The following GALNT17 variants were observed in gnomAD, a reference collection of about 807,000 sequenced individuals.
GALNT17 encodes the protein UDP-GalNAc:polypeptide N-acetylgalactosaminyltransferase-like 3.
GALNT17 carries 29 observed loss-of-function variants against 63.7 expected under a neutral mutation model. The ratio of observed to expected loss-of-function variants is 0.46; its 90% confidence interval spans 0.34 to 0.62. The LOEUF (loss-of-function observed/expected upper bound fraction) is 0.62. GALNT17 is among the 20% of genes least tolerant of loss of function. GALNT17 has a pLI of 0.01. For synonymous variants in GALNT17, 305 were observed against 318.3 expected (o/e 0.96, Z 0.45); for missense variants, 603 against 799.6 (o/e 0.75, Z 2.97).
At chr7:71,263,933 A>G (rs1790441009) in intron 1 of GALNT17, among the ~76,000 whole-genome samples, 1 of 152,148 alleles carries the variant, frequency 6.6e-6, no homozygotes, top group East Asian at 1.9e-4. Context: ...CAAAAAAACA[A>G]AAAAACAACT....
At chr7:71,228,218 A>C (rs1001622267) in intron 1 of GALNT17, among the ~76,000 whole-genome samples, 4 of 152,134 alleles carry the variant, frequency 2.6e-5, no homozygotes, top group Non-Finnish European at 5.9e-5. Context: ...GCCAAGCAGG[A>C]GTACAGGATG....
intron 5 of GALNT17, among the ~76,000 whole-genome samples, chr7:71,459,681 G>T (rs1007496543): frequency 3.3e-5 from 5 of 152,058 alleles, no homozygotes; most frequent in African/African-American, 1.2e-4. Flanking sequence ...GTCCTGCAAA[G>T]CCATTCATTG....
At chr7:71,177,426 G>C (rs1220246848) in intron 1 of GALNT17, among the ~76,000 whole-genome samples, 1 of 152,146 alleles carries the variant, frequency 6.6e-6, no homozygotes, top group Non-Finnish European at 1.5e-5. Flanking sequence ...CTGATACTCA[G>C]TTTATTTGAA....
At chr7:71,283,662 G>C (rs995377609) in intron 1 of GALNT17, among the ~76,000 whole-genome samples, 1 of 152,096 alleles carries the variant, frequency 6.6e-6, no homozygotes, top group African/African-American at 2.4e-5. Context: ...GACCTGGTGG[G>C]AGGTAATTGA....
At chr7:71,452,768 G>C (rs1453552408) in intron 5 of GALNT17, among the ~76,000 whole-genome samples, 1 of 152,116 alleles carries the variant, frequency 6.6e-6, no homozygotes, top group East Asian at 1.9e-4. Flanking sequence ...GATAAAAAGG[G>C]GCCTCTCTGG....
intron 1 of GALNT17, among the ~76,000 whole-genome samples, chr7:71,152,823 G>T (rs1788158858): frequency 6.6e-6 from 1 of 151,752 alleles, no homozygotes. Flanking sequence ...AGTAGAGACG[G>T]GGTCTCACCA....
At chr7:71,595,792 C>A (rs1789876962) in intron 6 of GALNT17, among the ~76,000 whole-genome samples, 1 of 152,098 alleles carries the variant, frequency 6.6e-6, no homozygotes, top group Non-Finnish European at 1.5e-5. Context: ...GATATTCTCC[C>A]AGTTCCAATG....
chr7:71,494,608 C>G (rs936829000), intron 5 of GALNT17, among the ~76,000 whole-genome samples: 5 of 152,176 alleles, frequency 3.3e-5, no homozygotes, highest in African/African-American at 9.6e-5. Flanking sequence ...ACTCTCCTGC[C>G]TTGGCCTCCC....
intron 5 of GALNT17, among the ~76,000 whole-genome samples, chr7:71,541,328 G>A (rs1298317847): frequency 1.3e-5 from 2 of 151,710 alleles, no homozygotes; most frequent in African/African-American, 4.8e-5. Context: ...CGAAGCAGGT[G>A]GATCACCTGA....
At chr7:71,577,574 G>C (rs951323509) in intron 6 of GALNT17, among the ~76,000 whole-genome samples, 1 of 152,086 alleles carries the variant, frequency 6.6e-6, no homozygotes, top group East Asian at 1.9e-4. Context: ...GCCCCTGCAG[G>C]GGTCTTCTTG....
chr7:71,423,144 T>G (rs1786697494), intron 5 of GALNT17, among the ~76,000 whole-genome samples: 1 of 152,158 alleles, frequency 6.6e-6, no homozygotes, highest in African/African-American at 2.4e-5. Flanking sequence ...CAGGGTATGG[T>G]GGGCCAAAGG....
intron 5 of GALNT17, among the ~76,000 whole-genome samples, chr7:71,552,299 C>A (rs1562687893): frequency 6.6e-6 from 1 of 152,066 alleles, no homozygotes; most frequent in Non-Finnish European, 1.5e-5. Flanking sequence ...CCCACCTTGG[C>A]CTCCCACAGT....
rs1179906682 is a variant in GALNT17, at chr7:71,265,114, ATATATTTTTTTT to A, written c.239-70434_239-70423del. 8.7e-4 allele frequency among the ~76,000 whole-genome samples: 35 copies of A among 40,116 alleles called. 1 individual carries two copies. The highest frequency in any genetic ancestry group is 5.5e-3 in the East Asian group (9 of 1,650). The allele number at this position is 40,116 out of a possible 152,430, so 26.3% of individuals were successfully genotyped here. On this transcript the variant is annotated intron_variant, in intron 1 of 10. Transcript: ENST00000333538. ...CCATAAATATTATATATATATATAT[ATATATTTTTTTT>A]TTTTTTTTTTTTTTTTTTGAGATGG...
intron 1 of GALNT17, among the ~76,000 whole-genome samples, chr7:71,241,490 G>T (rs559734014): frequency 6.6e-6 from 1 of 152,326 alleles, no homozygotes; most frequent in South Asian, 2.1e-4. Flanking sequence ...CCAAAGAACA[G>T]GGATGTGAAC....
chr7:71,412,484 G>T (rs879126304), intron 3 of GALNT17, among the ~76,000 whole-genome samples: 9 of 151,658 alleles, frequency 5.9e-5, no homozygotes, highest in Admixed American at 2.0e-4. Context: ...CGATTCTCCT[G>T]CCTCAGCCCC....
intron 5 of GALNT17, among the ~76,000 whole-genome samples, chr7:71,423,137 G>C (rs1046676909): frequency 1.3e-5 from 2 of 152,132 alleles, no homozygotes; most frequent in African/African-American, 4.8e-5. Context: ...TGGGGGACAG[G>C]GTATGGTGGG....
chr7:71,640,725 AT>A (rs1790591457), intron 6 of GALNT17, among the ~76,000 whole-genome samples: 2 of 151,980 alleles, frequency 1.3e-5, no homozygotes, highest in South Asian at 4.2e-4. Flanking sequence ...ATTTTGTTTA[AT>A]TTGATGCACT....
chr7:71,439,980 C>T (rs1347500350), intron 5 of GALNT17, among the ~76,000 whole-genome samples: 3 of 138,324 alleles, frequency 2.2e-5, no homozygotes, highest in African/African-American at 8.2e-5. Context: ...GAATTTCACT[C>T]TGTCACCCAG....
chr7:71,330,795 T>C (rs1222693442), intron 1 of GALNT17, among the ~76,000 whole-genome samples: 1 of 152,190 alleles, frequency 6.6e-6, no homozygotes, highest in East Asian at 1.9e-4. Context: ...AGGCCGTGCA[T>C]ATAGAGCAGA....
Sources: gnomAD v4.1 joint callset for allele counts (sites outside exome capture counted in the v4.1 genomes callset) on GRCh38, gnomAD v4.1.1 for gene constraint, MANE v1.5 for transcripts, NCBI Gene and HGNC (gene_info 2026-07-23, HGNC 2026-07-21) for gene names.